Variants in DHRSX observed in about 807,000 individuals in gnomAD.
DHRSX encodes dehydrogenase/reductase X-linked.
Under a neutral mutation model 34.0 loss-of-function variants are expected in DHRSX, and 31 were observed. The ratio of observed to expected loss-of-function variants is 0.91; its 90% CI spans 0.69 to 1.23. The LOEUF (loss-of-function observed/expected upper bound fraction) is 1.23. DHRSX is among the 50% of genes most tolerant of loss of function. DHRSX has a pLI of 0.00. For missense variants in DHRSX, 414 were observed against 428.1 expected, an observed-to-expected ratio of 0.97 and a Z score of 0.29; for synonymous variants, 201 against 183.8, an observed-to-expected ratio of 1.09 and a Z score of -0.76.
Position 2,350,449 on chromosome X carries a change from G to A in DHRSX, c.286+58296C>T, listed in dbSNP as rs765964642. Among the ~76,000 whole-genome samples the A allele has an allele frequency of 2.6e-5, 4 of 152,266 alleles. No homozygotes were observed. The South Asian group carries it at 8.3e-4, about 32-fold the overall frequency. Reference sequence around the variant, plus strand: ...ATTTGCCACAACATGGATGAACCTGGGGGATGTTAACGTGAAATACACCAG... The same window carrying A: ...ATTTGCCACAACATGGATGAACCTGAGGGATGTTAACGTGAAATACACCAG... On this transcript the variant is annotated intron_variant, in intron 3 of 6. Transcript: ENST00000334651.
intron 1 of DHRSX, among the ~76,000 whole-genome samples, chrX:2,461,212 C>A (rs1194665279): frequency 6.6e-6 from 1 of 152,182 alleles, no homozygotes; most frequent in African/African-American, 2.4e-5. Flanking sequence ...TCTCAGAGTT[C>A]CTGCCTTTCC....
At chrX:2,344,823 C>T (rs1421965668) in intron 3 of DHRSX, among the ~76,000 whole-genome samples, 2 of 140,482 alleles carry the variant, frequency 1.4e-5, no homozygotes, top group Non-Finnish European at 3.0e-5. Flanking sequence ...TGTAACAAAC[C>T]TGCACGTTCT....
intron 1 of DHRSX, among the ~76,000 whole-genome samples, chrX:2,470,918 ATTGT>A (rs1254931720): frequency 2.9e-5 from 2 of 67,906 alleles, no homozygotes; most frequent in Non-Finnish European, 6.1e-5. Flanking sequence ...AATTAGCTTG[ATTGT>A]TAATATGTTA....
At chrX:2,355,511 T>TA (rs767512287) in intron 3 of DHRSX, among the ~76,000 whole-genome samples, 1,141 of 75,220 alleles carry the variant, frequency 0.015, 113 homozygotes, top group South Asian at 0.033. Context: ...AGACCCCATC[T>TA]AAAAAAAAAA....
chrX:2,446,528 G>T (rs1366622156), intron 1 of DHRSX, among the ~76,000 whole-genome samples: 1 of 151,648 alleles, frequency 6.6e-6, no homozygotes, highest in East Asian at 1.9e-4. Flanking sequence ...TAACAATGCG[G>T]CCAAGAGACC....
intron 3 of DHRSX, among the ~76,000 whole-genome samples, chrX:2,359,318 C>T (rs1458046984): frequency 6.6e-6 from 1 of 152,186 alleles, no homozygotes; most frequent in Non-Finnish European, 1.5e-5. Context: ...CGTGGCAGCA[C>T]CTTTCACAAT....
At chrX:2,403,374 C>T (rs746042706) in intron 3 of DHRSX, among the ~76,000 whole-genome samples, 42 of 152,256 alleles carry the variant, frequency 2.8e-4, no homozygotes, top group Admixed American at 9.8e-4. Flanking sequence ...AAAGTGCAAA[C>T]GATTCTTTTC....
chrX:2,356,602 A>C (rs2042855335), intron 3 of DHRSX, among the ~76,000 whole-genome samples: 1 of 152,124 alleles, frequency 6.6e-6, no homozygotes, highest in Admixed American at 6.6e-5. Context: ...ACAGGTTTGG[A>C]CTGTACAGGT....
Position 2,298,405 on chromosome X carries a change from A to AC in DHRSX, c.287-6803_287-6802insG, listed in dbSNP as rs987318240. ...ATCTGGTCTTTTGTTAAAAAAAAAAAAAACAATTTTCACAGTATATATTTG... is the reference window on the plus strand; with the variant it reads ...ATCTGGTCTTTTGTTAAAAAAAAAAACAAACAATTTTCACAGTATATATTTG... On this transcript the variant is annotated intron_variant, in intron 3 of 6. Coordinates refer to ENST00000334651, the MANE Select transcript of DHRSX (RefSeq NM_145177.3). Among the ~76,000 whole-genome samples, 8 of 151,528 alleles carry AC rather than the reference A, an allele frequency of 5.3e-5. No homozygotes were observed. The East Asian group carries it at 5.8e-4, about 11-fold the overall frequency.
chrX:2,410,754 C>A (rs2043617092), intron 2 of DHRSX, among the ~76,000 whole-genome samples: 1 of 152,130 alleles, frequency 6.6e-6, no homozygotes, highest in Non-Finnish European at 1.5e-5. Flanking sequence ...AGCAGTGAAA[C>A]TTATGAAGTT....
intron 4 of DHRSX, among the ~76,000 whole-genome samples, chrX:2,283,825 CATTCATTCACTTGAATTT>C (rs1207157252): frequency 6.6e-6 from 1 of 152,192 alleles, no homozygotes. Context: ...CCTTTGAATT[CATTCATTCACTTGAATTT>C]ATTCATTTAA....
chrX:2,456,276 G>A (rs2044294901), intron 1 of DHRSX, among the ~76,000 whole-genome samples: 1 of 152,096 alleles, frequency 6.6e-6, no homozygotes, highest in Non-Finnish European at 1.5e-5. Flanking sequence ...ATTTGTCACA[G>A]GTAGAAACAG....
intron 2 of DHRSX, among the ~76,000 whole-genome samples, chrX:2,411,755 A>AAC (rs1477433632): frequency 1.4e-5 from 2 of 141,930 alleles, no homozygotes; most frequent in Admixed American, 7.5e-5. Context: ...AACAAAACAA[A>AAC]AAAAAACAAA....
intron 5 of DHRSX, among the ~76,000 whole-genome samples, chrX:2,262,665 T>C (rs377613740): frequency 3.3e-5 from 5 of 152,344 alleles, no homozygotes; most frequent in South Asian, 2.1e-4. Context: ...CCACAGGCCC[T>C]GCTCTCCCTG....
chrX:2,327,339 A>G (rs1292463296), intron 3 of DHRSX, among the ~76,000 whole-genome samples: 2 of 152,224 alleles, frequency 1.3e-5, no homozygotes, highest in East Asian at 3.9e-4. Flanking sequence ...TCTTAGGCTC[A>G]CAGTACTCCA....
At chrX:2,485,147 G>A (rs749582195) in intron 1 of DHRSX, among the ~76,000 whole-genome samples, 53 of 152,246 alleles carry the variant, frequency 3.5e-4, no homozygotes, top group Non-Finnish European at 6.8e-4. Context: ...ACCACTGTGC[G>A]GAAGGAGTGC....
intron 1 of DHRSX, among the ~76,000 whole-genome samples, chrX:2,493,124 T>G (rs2045198591): frequency 6.6e-6 from 1 of 152,104 alleles, no homozygotes; most frequent in Admixed American, 6.5e-5. Flanking sequence ...AGCACCCTGG[T>G]TTGTTCTAAG....
intron 3 of DHRSX, among the ~76,000 whole-genome samples, chrX:2,315,300 C>T (rs961094915): frequency 8.5e-5 from 13 of 152,094 alleles, no homozygotes; most frequent in Non-Finnish European, 1.3e-4. Flanking sequence ...GGCAAGTGGA[C>T]ACCAGTCCAG....
intron 4 of DHRSX, among the ~76,000 whole-genome samples, chrX:2,289,693 A>G (rs1486804785): frequency 6.6e-6 from 1 of 152,144 alleles, no homozygotes; most frequent in Non-Finnish European, 1.5e-5. Flanking sequence ...TTGGTGACTT[A>G]TAATGCTATA....
Sources: gnomAD v4.1 joint callset for allele counts (sites outside exome capture counted in the v4.1 genomes callset) on GRCh38, gnomAD v4.1.1 for gene constraint, MANE v1.5 for transcripts, NCBI Gene and HGNC (gene_info 2026-07-23, HGNC 2026-07-21) for gene names.